LRP1B: variants seen among roughly 807,000 people sequenced by gnomAD.
The protein encoded by LRP1B is LDL receptor related protein 1B, also known as low-density lipoprotein receptor-related protein 1B.
In LRP1B, 217 loss-of-function variants were observed where a neutral mutation model predicts 556.6. The observed-to-expected ratio is 0.39, with a 90% CI of 0.35 to 0.44. LRP1B has a LOEUF of 0.44. Among genes scored for constraint, LRP1B ranks in the 20% least tolerant of loss-of-function variants. The probability of loss-of-function intolerance (pLI) is 1.00; values close to 1 mark genes in which losing one functional copy is unlikely to be tolerated. For synonymous variants in LRP1B, 2,047 were observed against 1,865.8 expected (o/e 1.10, Z -2.50); for missense variants, 5,053 against 5,620.8 (o/e 0.90, Z 3.23).
intron 35 of LRP1B, among the ~76,000 whole-genome samples, chr2:140,745,412 C>G (rs1688283032): frequency 2.0e-5 from 3 of 152,116 alleles, no homozygotes; most frequent in African/African-American, 7.2e-5. Flanking sequence ...AAGAGTCAAT[C>G]TAATTTGATT....
chr2:140,987,708 G>A (rs1336109893), intron 17 of LRP1B, among the ~76,000 whole-genome samples: 1 of 152,100 alleles, frequency 6.6e-6, no homozygotes, highest in Non-Finnish European at 1.5e-5. Flanking sequence ...AATTGGGCTT[G>A]GCATGGTGGC....
At chr2:141,116,913 A>G (rs1236302933) in intron 7 of LRP1B, among the ~76,000 whole-genome samples, 2 of 152,070 alleles carry the variant, frequency 1.3e-5, no homozygotes, top group Non-Finnish European at 2.9e-5. Flanking sequence ...GTGTGTTTTC[A>G]GTATTGCAGC....
chr2:141,036,268 A>T (rs922016871), intron 11 of LRP1B, among the ~76,000 whole-genome samples: 4 of 152,130 alleles, frequency 2.6e-5, no homozygotes, highest in Non-Finnish European at 5.9e-5. Flanking sequence ...AAATATTCTT[A>T]AAACTGAGTG....
rs191293155 is a variant in LRP1B, at chr2:142,106,272, T to G, written c.82+24376A>C. Among the ~76,000 whole-genome samples the G allele has an allele frequency of 8.5e-5, 13 of 152,348 alleles. 1 individual carries two copies. In the East Asian group the frequency reaches 2.5e-3, roughly 29 times the overall value. On this transcript the variant is annotated intron_variant, in intron 1 of 90. Transcript: ENST00000389484. ...TAAAGATTGCAAAATTGGATAATTTTTTAAAATCACAAAAGTTAAGTGACT... is the reference window on the plus strand; with the variant it reads ...TAAAGATTGCAAAATTGGATAATTTGTTAAAATCACAAAAGTTAAGTGACT...
Position 140,495,617 on chromosome 2 carries a change from T to C in LRP1B, c.8982A>G (p.Thr2994=). ...TATCAGGTTGTATTTCATACCCATC[T>C]GTACAGAGGCACTTGTAAGTCCCGT... ...NTYGTYKCLC[T]DGYEIQPDNP... is the part of the protein sequence containing the mutation. The change falls in exon 56 of 91, where the codon ACA becomes ACG. Residue 2994 remains threonine (T), a synonymous_variant. Transcript: ENST00000389484. 6.2e-7 allele frequency: 1 copy of C among 1,611,896 alleles called. No homozygotes were observed. Among genetic ancestry groups the C allele is most frequent in the Non-Finnish European group, 8.5e-7 (1 of 1,178,356 alleles).
intron 2 of LRP1B, among the ~76,000 whole-genome samples, chr2:141,787,350 A>G (rs921343037): frequency 2.6e-5 from 4 of 151,972 alleles, no homozygotes; most frequent in African/African-American, 9.7e-5. Context: ...ATGCTTTTCA[A>G]CCAGTGAATG....
At chr2:141,488,991 T>TTTG (rs1559100690) in intron 2 of LRP1B, among the ~76,000 whole-genome samples, 20 of 151,712 alleles carry the variant, frequency 1.3e-4, no homozygotes, top group African/African-American at 3.2e-4. Flanking sequence ...TTGTTTGTTT[T>TTTG]TTTGAGACGG....
In LRP1B at chr2:140,405,559, C is replaced by T. The variant is rs555155731; in HGVS notation, c.10415-19550G>A. On this transcript the variant is annotated intron_variant, in intron 66 of 90. Transcript: ENST00000389484. ...ACCAACACGAATAAATCATTTGAGACTATTATGAATACATTTATGCATAGA... is the reference window on the plus strand; with the variant it reads ...ACCAACACGAATAAATCATTTGAGATTATTATGAATACATTTATGCATAGA... Among the ~76,000 whole-genome samples, 8 of 152,118 alleles carry T rather than the reference C, an allele frequency of 5.3e-5. No homozygotes were observed. In the East Asian group the frequency reaches 1.5e-3, roughly 29 times the overall value.
intron 86 of LRP1B, among the ~76,000 whole-genome samples, chr2:140,268,056 G>A (rs147343726): frequency 6.6e-6 from 1 of 151,964 alleles, no homozygotes; most frequent in African/African-American, 2.4e-5. Context: ...TGGGAAAGGT[G>A]GGCCTGAAAT....
intron 51 of LRP1B, among the ~76,000 whole-genome samples, chr2:140,514,394 C>A (rs1439880720): frequency 6.6e-6 from 1 of 151,560 alleles, no homozygotes; most frequent in East Asian, 1.9e-4. Context: ...AAAGAATTCA[C>A]CGAAAGCTAG....
chr2:140,402,674 C>A (rs1016816083), intron 66 of LRP1B, among the ~76,000 whole-genome samples: 4 of 152,158 alleles, frequency 2.6e-5, no homozygotes, highest in Non-Finnish European at 5.9e-5. Context: ...ACCCTTCCAC[C>A]TGATAAGACC....
intron 1 of LRP1B, among the ~76,000 whole-genome samples, chr2:141,892,554 C>T (rs551437874): frequency 7.2e-5 from 11 of 152,050 alleles, no homozygotes; most frequent in African/African-American, 2.4e-4. Flanking sequence ...AAGAGGTTAA[C>T]GTGGAAATTT....
intron 3 of LRP1B, among the ~76,000 whole-genome samples, chr2:141,429,125 A>G (rs766149536): frequency 6.6e-6 from 1 of 151,878 alleles, no homozygotes; most frequent in Non-Finnish European, 1.5e-5. Flanking sequence ...TAAGTTGGGT[A>G]TAATGATAAA....
At chr2:141,725,068 T>A (rs1434600356) in intron 2 of LRP1B, among the ~76,000 whole-genome samples, 1 of 151,890 alleles carries the variant, frequency 6.6e-6, no homozygotes, top group African/African-American at 2.4e-5. Context: ...AATATAATTA[T>A]AAGGGCAATA....
chr2:141,787,496 A>T (rs1695464024), intron 2 of LRP1B, among the ~76,000 whole-genome samples: 1 of 151,872 alleles, frequency 6.6e-6, no homozygotes, highest in African/African-American at 2.4e-5. Flanking sequence ...ACCAAAGGCT[A>T]CCCATTGTAT....
intron 3 of LRP1B, among the ~76,000 whole-genome samples, chr2:141,293,301 A>G (rs1278426705): frequency 6.6e-6 from 1 of 152,214 alleles, no homozygotes; most frequent in African/African-American, 2.4e-5. Flanking sequence ...CTGTAGCCTT[A>G]CAGTTTTCTC....
intron 7 of LRP1B, among the ~76,000 whole-genome samples, chr2:141,132,058 C>T (rs969282699): frequency 6.6e-6 from 1 of 151,984 alleles, no homozygotes; most frequent in Non-Finnish European, 1.5e-5. Flanking sequence ...CATGGCTTAA[C>T]TCCCACTTAT....
chr2:140,813,778 C>T lies in LRP1B; in HGVS notation c.5238G>A (p.Lys1746=), dbSNP rs1691009778. ...VGLSIDYVEN[K]LYWISSGNGT... ...CATTCCCTGAACTGATCCAATAAAG[C>T]TTGTTTTCCACATAGTCTATCGATA... The change falls in exon 32 of 91, where the codon AAG becomes AAA. Residue 1746 remains lysine, a synonymous_variant. Coordinates refer to ENST00000389484, the MANE Select transcript of LRP1B (RefSeq NM_018557.3). 1.2e-6 allele frequency: 2 copies of T among 1,608,950 alleles called. No homozygotes were observed. Among genetic ancestry groups the T allele is most frequent in the African/African-American group, 1.3e-5 (1 of 74,792 alleles).
At chr2:140,483,595 T>G (rs28374457) in intron 59 of LRP1B, among the ~76,000 whole-genome samples, 2 of 133,804 alleles carry the variant, frequency 1.5e-5, no homozygotes, top group African/African-American at 5.6e-5. Context: ...CACATATATA[T>G]AGACACACAC....
Sources: allele counts gnomAD v4.1 joint callset (sites outside exome capture counted in the v4.1 genomes callset), GRCh38; gene constraint gnomAD v4.1.1; transcripts MANE v1.5; gene names NCBI Gene and HGNC (gene_info 2026-07-23, HGNC 2026-07-21).